The following SKIL variants were observed in gnomAD, a reference collection of about 807,000 sequenced individuals.
SKIL encodes SKI like proto-oncogene.
A neutral mutation model predicts 69.6 loss-of-function variants in SKIL; 20 were observed. That is an observed-to-expected ratio of 0.29 (90% confidence interval 0.20 to 0.42). The LOEUF (loss-of-function observed/expected upper bound fraction) is 0.42. Ranked by LOEUF, SKIL falls within the 10% of genes least tolerant of loss-of-function variation. The pLI, the probability that SKIL is intolerant of heterozygous loss-of-function variation, is 1.00. For missense variants in SKIL, 745 were observed against 783.1 expected (o/e 0.95, Z 0.58); for synonymous variants, 310 against 279.9 (o/e 1.11, Z -1.08).
At chr3:170,381,870 A>G (rs1737371476) in intron 3 of SKIL, among the ~76,000 whole-genome samples, 1 of 152,050 alleles carries the variant, frequency 6.6e-6, no homozygotes, top group East Asian at 2.0e-4. Flanking sequence ...TCATGAGGTC[A>G]GGAGATCGAG....
chr3:170,367,902 T>A, intron 2 of SKIL, among the ~76,000 whole-genome samples: 1 of 152,344 alleles, frequency 6.6e-6, no homozygotes, highest in Non-Finnish European at 1.5e-5. Flanking sequence ...GATAGCAACT[T>A]AAAAAATTTT....
intron 2 of SKIL, among the ~76,000 whole-genome samples, chr3:170,368,362 C>T (rs959589550): frequency 3.3e-5 from 5 of 151,910 alleles, no homozygotes; most frequent in Non-Finnish European, 7.4e-5. Flanking sequence ...TTTTTGGAAC[C>T]GAGTTCAAAG....
At chr3:170,391,384 C>T (rs1737909231) in intron 6 of SKIL, 124 bp downstream of exon 6, 1 of 608,952 alleles carries the variant, frequency 1.6e-6, no homozygotes, top group Admixed American at 3.3e-5. Context: ...GTGGCACAAT[C>T]TCAGCTCCCC....
intron 4 of SKIL, among the ~76,000 whole-genome samples, chr3:170,387,928 C>G (rs866048677): frequency 1.7e-5 from 1 of 57,762 alleles, no homozygotes; most frequent in Non-Finnish European, 3.0e-5. Context: ...AGCGAGACTC[C>G]GTCTCAAAAA....
chr3:170,372,515 A>C (rs1213341333), intron 2 of SKIL, among the ~76,000 whole-genome samples: 8 of 152,204 alleles, frequency 5.3e-5, no homozygotes, highest in Admixed American at 5.2e-4. Flanking sequence ...GAAATCTCTA[A>C]GTAGCTATTT....
intron 2 of SKIL, among the ~76,000 whole-genome samples, chr3:170,365,445 C>A (rs1736452928): frequency 6.6e-6 from 1 of 151,962 alleles, no homozygotes; most frequent in Non-Finnish European, 1.5e-5. Flanking sequence ...TGGAGTATTT[C>A]AGATTTTGAT....
rs1736156840 is a variant in SKIL, at chr3:170,360,265, CTT to C, written c.-64_-63del. 7.0e-7 allele frequency: 1 copy of C among 1,425,742 alleles called. No homozygotes were observed. Among genetic ancestry groups the C allele is most frequent in the Non-Finnish European group, 9.4e-7 (1 of 1,058,548 alleles). 88.3% of individuals were successfully genotyped at this position (1,425,742 alleles called of 1,614,324 possible). On this transcript the variant is annotated 5_prime_UTR_variant, in exon 2 of 7. Transcript: ENST00000259119. ...ATTTGTATCCATTCATTACTTTCCT[CTT>C]TTCAAATAAGCAACTAAATAGAAAT... is the stretch of plus-strand genomic sequence containing the variant.
chr3:170,368,430 G>GA (rs1315302016), intron 2 of SKIL, among the ~76,000 whole-genome samples: 3 of 152,012 alleles, frequency 2.0e-5, no homozygotes, highest in African/African-American at 7.3e-5. Context: ...ATAGATTTTT[G>GA]AAAAATAACA....
chr3:170,381,469 G>T (rs1577435129), intron 3 of SKIL, 128 bp downstream of exon 3: 2 of 584,896 alleles, frequency 3.4e-6, no homozygotes, highest in East Asian at 6.1e-5. Flanking sequence ...GTCTTGCTCT[G>T]TTACCCAGGC....
chr3:170,372,358 G>A (rs1350945783), intron 2 of SKIL, among the ~76,000 whole-genome samples: 1 of 152,180 alleles, frequency 6.6e-6, no homozygotes, highest in Non-Finnish European at 1.5e-5. Flanking sequence ...TGATCTTTCA[G>A]CCTGTGGAAA....
chr3:170,360,931 C>T lies in SKIL; in HGVS notation c.600C>T (p.Asp200=), dbSNP rs1346121858. 2.5e-6 allele frequency: 4 copies of T among 1,614,156 alleles called. No individual in the cohort carries two copies. The highest frequency in any genetic ancestry group is 3.4e-6 in the Non-Finnish European group (4 of 1,180,034). The part of the protein sequence containing the change: ...LYIYCSRCTS[D]QLHILKVLGI... ...TATATTGTTCAAGGTGTACTTCAGA[C>T]CAGCTTCATATCTTAAAGGTACTGG... The change falls in exon 2 of 7, where the codon GAC becomes GAT. Residue 200 remains aspartate, a synonymous_variant. Coordinates refer to ENST00000259119, the MANE Select transcript of SKIL (RefSeq NM_005414.5).
chr3:170,361,530 A>AACAAAATACCGAT (rs1736232657), intron 2 of SKIL, 101 bp downstream of exon 2: 3 of 884,322 alleles, frequency 3.4e-6, no homozygotes, highest in South Asian at 3.4e-5. Context: ...AACATTGCTC[A>AACAAAATACCGAT]TGCAACAACA....
intron 2 of SKIL, among the ~76,000 whole-genome samples, chr3:170,376,371 A>AT (rs1737033223): frequency 6.6e-6 from 1 of 151,990 alleles, no homozygotes; most frequent in Admixed American, 6.6e-5. Context: ...AATTTTACTG[A>AT]TTTGTTAGAA....
intron 2 of SKIL, among the ~76,000 whole-genome samples, chr3:170,372,274 C>A (rs1402258643): frequency 1.3e-5 from 2 of 152,172 alleles, no homozygotes; most frequent in African/African-American, 2.4e-5. Flanking sequence ...ATTACAAGAA[C>A]TCGAGCCTTT....
At chr3:170,372,223 G>A (rs1736831685) in intron 2 of SKIL, among the ~76,000 whole-genome samples, 1 of 152,092 alleles carries the variant, frequency 6.6e-6, no homozygotes, top group African/African-American at 2.4e-5. Context: ...ACTTTACATG[G>A]CTTTGTTTCC....
chr3:170,362,753 T>G (rs905256121), intron 2 of SKIL, among the ~76,000 whole-genome samples: 3 of 150,672 alleles, frequency 2.0e-5, no homozygotes, highest in Admixed American at 1.3e-4. Context: ...AAGCGGAGGT[T>G]GCAGTAAGCC....
At chr3:170,359,526 A>T (rs1736109097) in intron 1 of SKIL, 173 bp from the exon 2 acceptor site, 1 of 150,916 alleles carries the variant, frequency 6.6e-6, no homozygotes, top group Non-Finnish European at 1.5e-5. Context: ...TGAACCCGGG[A>T]GGCGGAGGTT....
At chr3:170,379,676 C>T (rs548468551) in intron 2 of SKIL, among the ~76,000 whole-genome samples, 1 of 152,134 alleles carries the variant, frequency 6.6e-6, no homozygotes, top group African/African-American at 2.4e-5. Flanking sequence ...ACGATTCTTG[C>T]TCTGTTGCCC....
rs150433980 is a variant in SKIL at position 170,362,462 on chromosome 3, A to C, written c.1098+1033A>C. On this transcript the variant is annotated intron_variant, in intron 2 of 6. Transcript: ENST00000259119. ...GGTTGTAGTGAGCCGAGATTGTGCC[A>C]TTGCGCTCCAGCGTAGGCGTCGAGG... is the stretch of plus-strand genomic sequence containing the variant. Among the ~76,000 whole-genome samples, 1,234 of 152,274 alleles carry C rather than the reference A, an allele frequency of 8.1e-3. 20 individuals are homozygous for C. Among genetic ancestry groups the C allele is most frequent in the African/African-American group, 0.029 (1,192 of 41,542 alleles).
Sources: allele counts gnomAD v4.1 joint callset (sites outside exome capture counted in the v4.1 genomes callset), GRCh38; gene constraint gnomAD v4.1.1; transcripts MANE v1.5; gene names NCBI Gene and HGNC (gene_info 2026-07-23, HGNC 2026-07-21).